Variants in DNAH5 observed in about 807,000 individuals in gnomAD.
DNAH5 encodes the protein dynein axonemal heavy chain 5, also known as axonemal beta dynein heavy chain 5.
A neutral mutation model predicts 518.2 loss-of-function variants in DNAH5; 372 were observed. The ratio of observed to expected loss-of-function variants is 0.72; its 90% CI spans 0.66 to 0.78. The LOEUF (loss-of-function observed/expected upper bound fraction) is 0.78, where lower values mean the gene tolerates loss of function less well. DNAH5 is among the 30% of genes least tolerant of loss of function. The pLI is 0.00. For missense variants in DNAH5, 5,523 were observed against 5,687.0 expected, an observed-to-expected ratio of 0.97 and a Z score of 0.93; for synonymous variants, 2,039 against 2,025.9, an observed-to-expected ratio of 1.01 and a Z score of -0.17.
intron 1 of DNAH5, among the ~76,000 whole-genome samples, chr5:13,995,942 C>T (rs1783906279): frequency 6.6e-6 from 1 of 152,070 alleles, no homozygotes; most frequent in Non-Finnish European, 1.5e-5. Flanking sequence ...CAGATTTGTA[C>T]CCTACAAACA....
chr5:13,874,814 G>T (rs1416737213), intron 22 of DNAH5, among the ~76,000 whole-genome samples: 2 of 152,120 alleles, frequency 1.3e-5, no homozygotes, highest in Non-Finnish European at 2.9e-5. Flanking sequence ...ACTACATCCA[G>T]CCTCAGCTCA....
In DNAH5 at chr5:13,691,920, T is replaced by C. The variant is rs1464260811; in HGVS notation, c.*64A>G. The C allele has an allele frequency of 1.9e-6, 3 of 1,602,168 alleles. No individual in the cohort carries two copies. Among genetic ancestry groups the C allele is most frequent in the Middle Eastern group, 1.7e-4 (1 of 6,048 alleles). ...ACACTGTCCAGCAGTCATACAGAAA[T>C]AAAGGTTACAATAATTTAGATCTTG... On this transcript the variant is annotated 3_prime_UTR_variant, in exon 79 of 79. Coordinates refer to ENST00000265104, the MANE Select transcript of DNAH5 (RefSeq NM_001369.3).
At chr5:13,892,551 T>C (rs1773405401) in intron 16 of DNAH5, among the ~76,000 whole-genome samples, 1 of 152,200 alleles carries the variant, frequency 6.6e-6, no homozygotes, top group Non-Finnish European at 1.5e-5. Context: ...TTTTAGTTCC[T>C]TAAATTACAA....
At chr5:13,863,289 C>A (rs72735023) in intron 28 of DNAH5, among the ~76,000 whole-genome samples, 59,852 of 151,862 alleles carry the variant, frequency 0.39, 11,942 homozygotes, top group South Asian at 0.47. Context: ...ACACCCATGA[C>A]TTCAATCACT....
At chr5:13,996,659 C>T (rs1783978101) in intron 1 of DNAH5, among the ~76,000 whole-genome samples, 1 of 152,248 alleles carries the variant, frequency 6.6e-6, no homozygotes. Flanking sequence ...GACTCCATCT[C>T]CCACCTTCTG....
chr5:13,914,068 A>G (rs1776357509), intron 10 of DNAH5, 110 bp from the exon 11 acceptor site: 1 of 1,348,744 alleles, frequency 7.4e-7, no homozygotes, highest in Non-Finnish European at 1.0e-6. Context: ...GCCTTTTCAT[A>G]GTTTCATGCC....
chr5:13,796,927 C>T (rs1403090850), intron 47 of DNAH5, among the ~76,000 whole-genome samples: 13 of 152,066 alleles, frequency 8.5e-5, no homozygotes, highest in Non-Finnish European at 1.3e-4. Flanking sequence ...CTTTGACAAA[C>T]CTGAGAAAAA....
chr5:13,923,168 G>A, intron 4 of DNAH5, 112 bp downstream of exon 4: 2 of 1,345,956 alleles, frequency 1.5e-6, no homozygotes, highest in East Asian at 4.6e-5. Flanking sequence ...TTCTCTGAAA[G>A]TAGTTTTAGA....
chr5:13,885,276 G>T (rs774339073), intron 18 of DNAH5, 48 bp from the exon 19 acceptor site: 1 of 1,601,642 alleles, frequency 6.2e-7, no homozygotes, highest in South Asian at 1.1e-5. Context: ...TAGATGGATG[G>T]ATGGATAGAT....
rs70964521 is a variant in DNAH5, at chr5:13,921,750, A to AC, written c.660+356dup. 2.0e-3 allele frequency among the ~76,000 whole-genome samples: 262 copies of AC among 134,282 alleles called. 3 individuals are homozygous for AC. Among genetic ancestry groups the AC allele is most frequent in the South Asian group, 5.1e-3 (21 of 4,096 alleles). 88.1% of individuals were successfully genotyped at this position (134,282 alleles called of 152,430 possible). A position where few individuals can be genotyped will look rare whatever the true frequency, so the allele number is the denominator to read the frequency against. ...CCACCTCCATCTGCCGCCCACACAC[A>AC]CCCCCCCACACACACACACACTTCA... is the stretch of plus-strand genomic sequence containing the variant. On this transcript the variant is annotated intron_variant, in intron 5 of 78. Coordinates refer to ENST00000265104, the MANE Select transcript of DNAH5 (RefSeq NM_001369.3).
chr5:13,957,847 AATTG>A (rs1294225999), intron 1 of DNAH5, among the ~76,000 whole-genome samples: 1 of 151,532 alleles, frequency 6.6e-6, no homozygotes, highest in Non-Finnish European at 1.5e-5. Flanking sequence ...AAATAATAAA[AATTG>A]ATTGGAAAAT....
At chr5:13,940,652 A>G (rs1365099747) in intron 1 of DNAH5, among the ~76,000 whole-genome samples, 1 of 152,152 alleles carries the variant, frequency 6.6e-6, no homozygotes, top group Non-Finnish European at 1.5e-5. Flanking sequence ...TCTAATGTAC[A>G]GCCCAGCCTG....
intron 51 of DNAH5, among the ~76,000 whole-genome samples, chr5:13,788,019 A>G (rs1276478651): frequency 6.6e-6 from 1 of 152,178 alleles, no homozygotes; most frequent in Non-Finnish European, 1.5e-5. Context: ...ATTTTTAACT[A>G]AGCCTAGTTA....
chr5:13,718,968 A>C lies in DNAH5; in HGVS notation c.12413T>G (p.Phe4138Cys), dbSNP rs757393675. The change falls in exon 72 of 79, where the codon TTT becomes TGT. Residue 4138 changes from phenylalanine to cysteine, a missense_variant. This residue lies in a region of DNAH5 where 5,121 missense variants were observed against 5,223.3 expected (regional missense o/e 0.98). Coordinates refer to ENST00000265104, the MANE Select transcript of DNAH5 (RefSeq NM_001369.3). ...LWMTTEAHKQ[F>C]PITLLQMSIK... ...GGACATCTGAAGGAGTGTAATGGGA[A>C]ACTGCTTATGAGCCTCGGTGGTCAT... The C allele has an allele frequency of 1.4e-4, 233 of 1,613,960 alleles. No homozygotes were observed. The highest frequency in any genetic ancestry group is 1.9e-4 in the Non-Finnish European group (219 of 1,180,004).
In DNAH5 at chr5:13,737,105, C is replaced by T. The variant is rs185467387; in HGVS notation, c.11455+147G>A. 2.1e-4 allele frequency: 276 copies of T among 1,326,566 alleles called. 2 individuals carry two copies. Among genetic ancestry groups the T allele is most frequent in the African/African-American group, 5.1e-4 (35 of 68,786 alleles). 82.2% of individuals were successfully genotyped at this position (1,326,566 alleles called of 1,614,324 possible). On this transcript the variant is annotated intron_variant, in intron 66 of 78. Transcript: ENST00000265104. The stretch of plus-strand genomic sequence containing the variant: ...TAAAAAATTTTTGACCTCCATTTTA[C>T]GGAATATTTCCCAACAGAAATTCCA...
At chr5:13,791,631 T>C (rs1048564836) in intron 50 of DNAH5, among the ~76,000 whole-genome samples, 3 of 152,232 alleles carry the variant, frequency 2.0e-5, no homozygotes, top group African/African-American at 7.2e-5. Flanking sequence ...GCTTAAAATA[T>C]GAAGACTATT....
intron 16 of DNAH5, among the ~76,000 whole-genome samples, 157 bp from the exon 17 acceptor site, chr5:13,891,278 G>A (rs1330800923): frequency 2.6e-5 from 4 of 152,116 alleles, no homozygotes; most frequent in Admixed American, 2.0e-4. Flanking sequence ...CTTGGTTGTC[G>A]CTAATAAAAT....
intron 1 of DNAH5, among the ~76,000 whole-genome samples, chr5:13,993,349 A>G (rs1333160888): frequency 2.6e-5 from 4 of 152,198 alleles, no homozygotes; most frequent in Non-Finnish European, 5.9e-5. Context: ...TTTAAAGATA[A>G]ATGGAGTGGC....
At chr5:13,718,860 T>A in intron 72 of DNAH5, 22 bp downstream of exon 72, 2 of 1,579,666 alleles carry the variant, frequency 1.3e-6, no homozygotes, top group South Asian at 2.2e-5. Context: ...TCCTGTAGAC[T>A]CGCAAGTATT....
Sources: gnomAD v4.1 joint callset for allele counts (sites outside exome capture counted in the v4.1 genomes callset) on GRCh38, gnomAD v4.1.1 for gene constraint, gnomAD v4.1.1 regional missense constraint, MANE v1.5 for transcripts, NCBI Gene and HGNC (gene_info 2026-07-23, HGNC 2026-07-21) for gene names.